Variants in SNX31 observed in about 807,000 individuals in gnomAD.
SNX31 encodes sorting nexin 31.
SNX31 carries 58 observed loss-of-function variants against 65.4 expected under a neutral mutation model. That is an observed-to-expected ratio of 0.89 (90% confidence interval 0.72 to 1.10). SNX31 has a LOEUF of 1.10. Among genes scored for constraint, SNX31 ranks in the 50% least tolerant of loss-of-function variants. SNX31 has a pLI of 0.00. For synonymous variants in SNX31, 181 were observed against 190.1 expected (o/e 0.95, Z 0.39); for missense variants, 523 against 529.7 (o/e 0.99, Z 0.12).
chr8:100,615,059 A>G (rs1271907863), intron 5 of SNX31, among the ~76,000 whole-genome samples: 1 of 152,220 alleles, frequency 6.6e-6, no homozygotes, highest in Non-Finnish European at 1.5e-5. Context: ...AGCTCCTGGA[A>G]GGAAATTCAC....
At chr8:100,574,514 T>A (rs1428435609) in intron 13 of SNX31, among the ~76,000 whole-genome samples, 3 of 151,750 alleles carry the variant, frequency 2.0e-5, no homozygotes, top group African/African-American at 7.3e-5. Flanking sequence ...GCGCCTGTGG[T>A]CCGAGCTATT....
chr8:100,585,072 T>C (rs571106605), intron 11 of SNX31, among the ~76,000 whole-genome samples: 3 of 152,270 alleles, frequency 2.0e-5, no homozygotes, highest in Middle Eastern at 3.4e-3. Context: ...TCTAGACTCA[T>C]AGTCACCTTC....
intron 2 of SNX31, among the ~76,000 whole-genome samples, chr8:100,647,551 A>T (rs998460117): frequency 6.8e-4 from 103 of 152,122 alleles, no homozygotes; most frequent in African/African-American, 2.3e-3. Context: ...TGAGTCCACA[A>T]ATGTTTGCTG....
At position 100,629,279 on chromosome 8, in the gene SNX31, G is replaced by T. The variant is rs1209794023; in HGVS notation, c.321+1048C>A. 6.6e-6 allele frequency among the ~76,000 whole-genome samples: 1 copy of T among 152,048 alleles called. No homozygotes were observed. The highest frequency in any genetic ancestry group is 2.4e-5 in the African/African-American group (1 of 41,378). On this transcript the variant is annotated intron_variant, in intron 4 of 13. Coordinates refer to ENST00000311812, the MANE Select transcript of SNX31 (RefSeq NM_152628.4). This position sits in a 1 kb window ranked among gnomAD's most constrained non-coding sequence, Gnocchi z 5.1. ...ACACAACAGTTGTCACTGAGGAGGG[G>T]GATCATAAGGGAAGAAAAGTTACTT...
Position 100,588,889 on chromosome 8 carries a change from AC to A in SNX31, c.1068del (p.Gln356HisfsTer13). 1 of 1,613,918 alleles carries A rather than the reference AC, an allele frequency of 6.2e-7. No homozygotes were observed. Among genetic ancestry groups the A allele is most frequent in the Non-Finnish European group, 8.5e-7 (1 of 1,179,834 alleles). ...ACCTGTTTGGTGTAAATAACAAACC[AC>A]TGCCAGCAACTATCCTCACTGTATT... The part of the protein sequence containing the change: ...RFQYSEDSCW[Q>X]WFVIYTKQAF... On this transcript the variant is annotated frameshift_variant, in exon 11 of 14. Coordinates refer to ENST00000311812, the MANE Select transcript of SNX31 (RefSeq NM_152628.4). LOFTEE classifies it high-confidence loss of function. This position sits in a 1 kb window ranked among gnomAD's most constrained non-coding sequence, Gnocchi z 4.8.
In SNX31 at chr8:100,573,944, C is replaced by T. The variant is rs1812823418; in HGVS notation, c.1244G>A (p.Ser415Asn). Residue 415 changes from serine to asparagine, a missense_variant, in exon 14 of 14, where the codon AGT becomes AAT. Transcript: ENST00000311812. ...IQQSQQKDYS[S>N]FLSRKSKIKI... Reference sequence around the variant, plus strand: ...AATCTTGCTTTTTCTTGATAGAAAACTAGAATAGTCTTTCTGCTGTGAAGT... The same window carrying T: ...AATCTTGCTTTTTCTTGATAGAAAATTAGAATAGTCTTTCTGCTGTGAAGT... 3 of 1,569,416 alleles carry T rather than the reference C, an allele frequency of 1.9e-6. No individual in the cohort carries two copies. The highest frequency in any genetic ancestry group is 2.3e-5 in the East Asian group (1 of 43,198).
At chr8:100,631,604 G>C (rs1481272573) in intron 3 of SNX31, among the ~76,000 whole-genome samples, 2 of 151,918 alleles carry the variant, frequency 1.3e-5, no homozygotes, top group East Asian at 3.8e-4. Flanking sequence ...CACCCGGCCT[G>C]TTTTACTAAT....
At position 100,626,255 on chromosome 8, in the gene SNX31, G is replaced by C. The variant is rs549968077; in HGVS notation, c.321+4072C>G. On this transcript the variant is annotated intron_variant, in intron 4 of 13. Coordinates refer to ENST00000311812, the MANE Select transcript of SNX31 (RefSeq NM_152628.4). This position sits in a 1 kb window ranked among gnomAD's most constrained non-coding sequence, Gnocchi z 4.4. ...TCCTCAAAGCAACCCCAAGAGACAG[G>C]AGCTCTTCTCCCCATTTTACAGATG... 6.6e-6 allele frequency among the ~76,000 whole-genome samples: 1 copy of C among 152,236 alleles called. No individual in the cohort carries two copies. Among genetic ancestry groups the C allele is most frequent in the South Asian group, 2.1e-4 (1 of 4,812 alleles).
intron 12 of SNX31, among the ~76,000 whole-genome samples, chr8:100,583,488 C>T (rs1046116820): frequency 2.0e-4 from 31 of 152,100 alleles, no homozygotes; most frequent in African/African-American, 7.5e-4. Context: ...AACGACTAGG[C>T]AATTAAAACA....
At chr8:100,608,269 T>C (rs1051281318) in intron 8 of SNX31, among the ~76,000 whole-genome samples, 5 of 151,822 alleles carry the variant, frequency 3.3e-5, no homozygotes, top group African/African-American at 1.2e-4. Flanking sequence ...GAGCTCAAAC[T>C]TTTTTTTATC....
chr8:100,582,038 A>G (rs1813600382), intron 12 of SNX31, among the ~76,000 whole-genome samples: 1 of 152,240 alleles, frequency 6.6e-6, no homozygotes. Context: ...ATAAGTAAAA[A>G]AAATAAAGAG....
intron 4 of SNX31, chr8:100,618,544 C>T: frequency 1.8e-6 from 1 of 565,552 alleles, no homozygotes; most frequent in Non-Finnish European, 3.1e-6. Flanking sequence ...CTCAGCTCCA[C>T]AAGACTACCC....
chr8:100,599,575 G>T (rs1368036565), intron 9 of SNX31, among the ~76,000 whole-genome samples: 1 of 151,866 alleles, frequency 6.6e-6, no homozygotes, highest in Non-Finnish European at 1.5e-5. Context: ...AATCTCAAAG[G>T]TCTGAGCCTT....
Position 100,622,142 on chromosome 8 carries a change from A to G in SNX31, c.322-4412T>C, listed in dbSNP as rs530546989. Among the ~76,000 whole-genome samples, 43 of 152,332 alleles carry G rather than the reference A, an allele frequency of 2.8e-4. No individual in the cohort carries two copies. The highest frequency in any genetic ancestry group is 9.6e-4 in the African/African-American group (40 of 41,574). On this transcript the variant is annotated intron_variant, in intron 4 of 13. Coordinates refer to ENST00000311812, the MANE Select transcript of SNX31 (RefSeq NM_152628.4). The surrounding 1 kb of genome is among the most constrained non-coding windows in gnomAD (Gnocchi z 5.0). ...TCTACCTTCTCCACTCTAAATGCTT[A>G]TTTGTAGAATGTTGTTGGCTTTTTT...
chr8:100,575,395 A>G lies in SNX31; in HGVS notation c.1228-1435T>C, dbSNP rs77018585. Among the ~76,000 whole-genome samples the G allele has an allele frequency of 6.6e-6, 1 of 152,388 alleles. No homozygotes were observed. Among genetic ancestry groups the G allele is most frequent in the African/African-American group, 2.4e-5 (1 of 41,594 alleles). ...GTTCATGGCTCAGGATAAGGTCTAT[A>G]CAACAGTTTGCAAAATAAATTAAAA... is the stretch of plus-strand genomic sequence containing the variant. On this transcript the variant is annotated intron_variant, in intron 13 of 13. Transcript: ENST00000311812. The surrounding 1 kb of genome is among the most constrained non-coding windows in gnomAD (Gnocchi z 5.1).
intron 8 of SNX31, among the ~76,000 whole-genome samples, chr8:100,605,198 C>T (rs1459826860): frequency 1.3e-5 from 2 of 152,162 alleles, no homozygotes; most frequent in Non-Finnish European, 1.5e-5. Context: ...CATGCCTGGC[C>T]ACTTCTTAGT....
At chr8:100,621,143 C>CA (rs1817659965) in intron 4 of SNX31, among the ~76,000 whole-genome samples, 1 of 151,850 alleles carries the variant, frequency 6.6e-6, no homozygotes, top group East Asian at 1.9e-4. Context: ...GACTCCATCT[C>CA]AAAAAAACAA....
chr8:100,653,804 G>A (rs956356427), upstream of SNX31, among the ~76,000 whole-genome samples: 2 of 152,224 alleles, frequency 1.3e-5, no homozygotes, highest in African/African-American at 4.8e-5. Flanking sequence ...CTGGCCGTGT[G>A]CGCATCTGTG....
intron 11 of SNX31, among the ~76,000 whole-genome samples, chr8:100,585,763 G>A (rs1421554120): frequency 6.6e-6 from 1 of 152,150 alleles, no homozygotes; most frequent in Non-Finnish European, 1.5e-5. Flanking sequence ...TAGGAAGGAT[G>A]TTTAATAGGG....
Sources: gnomAD v4.1 joint callset for allele counts (sites outside exome capture counted in the v4.1 genomes callset) on GRCh38, gnomAD v4.1.1 for gene constraint, Gnocchi (gnomAD v3.1) non-coding constraint, MANE v1.5 for transcripts, NCBI Gene and HGNC (gene_info 2026-07-23, HGNC 2026-07-21) for gene names.